ELFN1: variants seen among roughly 807,000 people sequenced by gnomAD.
The protein encoded by ELFN1 is extracellular leucine rich repeat and fibronectin type III domain containing 1.
A neutral mutation model predicts 7.6 loss-of-function variants in ELFN1; 6 were observed. The observed-to-expected ratio is 0.79, with a 90% CI of 0.43 to 1.56. The LOEUF (loss-of-function observed/expected upper bound fraction) is 1.56, where lower values mean the gene tolerates loss of function less well. Among genes scored for constraint, ELFN1 ranks in the 40% most tolerant of loss-of-function variants. ELFN1 has a pLI of 0.01. For missense variants in ELFN1, 1,169 were observed against 1,232.2 expected, an observed-to-expected ratio of 0.95 and a Z score of 0.77; for synonymous variants, 657 against 588.1, an observed-to-expected ratio of 1.12 and a Z score of -1.70.
intron 1 of ELFN1, among the ~76,000 whole-genome samples, chr7:1,675,334 G>A (rs1324980800): frequency 2.6e-5 from 4 of 152,210 alleles, no homozygotes; most frequent in Non-Finnish European, 4.4e-5. Context: ...GCTCGGGGGC[G>A]GGGGTCTGTC....
chr7:1,681,387 G>A (rs936193255), intron 1 of ELFN1, among the ~76,000 whole-genome samples: 2 of 152,056 alleles, frequency 1.3e-5, no homozygotes, highest in Non-Finnish European at 2.9e-5. Context: ...TCTTGAGATG[G>A]AGTCTCACTC....
intron 1 of ELFN1, among the ~76,000 whole-genome samples, chr7:1,675,735 C>T (rs575582922): frequency 2.0e-4 from 30 of 152,332 alleles, no homozygotes; most frequent in African/African-American, 5.8e-4. Context: ...AGTGAGGCGT[C>T]GCTGGCCCGG....
Position 1,695,752 on chromosome 7 carries a change from A to AC in ELFN1, c.-456+7602_-456+7603insC, listed in dbSNP as rs1779289970. 6.6e-6 allele frequency among the ~76,000 whole-genome samples: 1 copy of AC among 150,702 alleles called. No homozygotes were observed. The highest frequency in any genetic ancestry group is 1.5e-5 in the Non-Finnish European group (1 of 67,606). ...GACAGAGCGAGACTCCGTGTCAAAA[A>AC]AAAAAAAAAAAAAAAAAAAACCGTG... On this transcript the variant is annotated intron_variant, in intron 2 of 3. Coordinates refer to ENST00000424383, the MANE Select transcript of ELFN1 (RefSeq NM_001128636.4). The surrounding 1 kb of genome is among the most constrained non-coding windows in gnomAD (Gnocchi z 5.1).
intron 3 of ELFN1, among the ~76,000 whole-genome samples, chr7:1,719,356 C>A (rs1046367113): frequency 6.8e-6 from 1 of 146,018 alleles, no homozygotes; most frequent in African/African-American, 2.7e-5. Flanking sequence ...AACAGGGCCC[C>A]GCCCACCAAC....
In ELFN1 at chr7:1,746,829, C is replaced by T. The variant is rs1166468521; in HGVS notation, c.2233C>T (p.Pro745Ser). ...SILEPLTRPR[P>S]RDLAYSQLSP... ...CCTGGAGCCACTCACCCGGCCGCGG[C>T]CCCGCGACCTCGCCTACTCGCAGCT... The change falls in exon 4 of 4, where the codon CCC becomes TCC. Residue 745 changes from proline (P) to serine (S), a missense_variant. Coordinates refer to ENST00000424383, the MANE Select transcript of ELFN1 (RefSeq NM_001128636.4). 7 of 1,535,482 alleles carry T rather than the reference C, an allele frequency of 4.6e-6. No individual in the cohort carries two copies. The South Asian group carries it at 7.3e-5, about 16-fold the overall frequency.
chr7:1,718,101 C>T (rs541962121), intron 3 of ELFN1, among the ~76,000 whole-genome samples: 15 of 152,336 alleles, frequency 9.8e-5, no homozygotes, highest in African/African-American at 2.6e-4. Flanking sequence ...AGTGGCTGCT[C>T]CCGCTCCCAC....
chr7:1,726,547 TG>T (rs973183049), intron 3 of ELFN1, among the ~76,000 whole-genome samples: 17 of 152,144 alleles, frequency 1.1e-4, no homozygotes, highest in Non-Finnish European at 4.4e-5. Flanking sequence ...CTGGATCCCC[TG>T]GGGTGTGGCA....
upstream of ELFN1, among the ~76,000 whole-genome samples, chr7:1,669,107 C>A (rs945187617): frequency 6.6e-6 from 1 of 152,260 alleles, no homozygotes; most frequent in Non-Finnish European, 1.5e-5. Context: ...AGGACCCGGG[C>A]GTGTCAGGCC....
At chr7:1,671,630 C>A (rs1778769093) in intron 1 of ELFN1, among the ~76,000 whole-genome samples, 1 of 151,936 alleles carries the variant, frequency 6.6e-6, no homozygotes. Context: ...TGCACCCAGC[C>A]TTGGGGGAAA....
chr7:1,675,584 C>T (rs1332356942), intron 1 of ELFN1, among the ~76,000 whole-genome samples: 1 of 152,238 alleles, frequency 6.6e-6, no homozygotes, highest in African/African-American at 2.4e-5. Flanking sequence ...GCCATGTGCC[C>T]GCCCCACATG....
chr7:1,691,636 C>G (rs1462540625), intron 2 of ELFN1, among the ~76,000 whole-genome samples: 1 of 152,236 alleles, frequency 6.6e-6, no homozygotes, highest in Non-Finnish European at 1.5e-5. Context: ...GCCTGACCCA[C>G]TGCCAGCTCT....
chr7:1,704,118 C>T (rs1040675460), intron 2 of ELFN1, among the ~76,000 whole-genome samples: 3 of 152,210 alleles, frequency 2.0e-5, no homozygotes, highest in African/African-American at 7.2e-5. Flanking sequence ...GAGGGCCTGG[C>T]ATTTGCCACA....
At chr7:1,725,378 C>T (rs765922133) in intron 3 of ELFN1, among the ~76,000 whole-genome samples, 1 of 151,638 alleles carries the variant, frequency 6.6e-6, no homozygotes, top group African/African-American at 2.4e-5. Flanking sequence ...GGACAGGGCG[C>T]AGGCGAGGCC....
intron 2 of ELFN1, among the ~76,000 whole-genome samples, chr7:1,688,494 T>A (rs1251883140): frequency 6.6e-6 from 1 of 152,250 alleles, no homozygotes; most frequent in African/African-American, 2.4e-5. Context: ...CCACCTGTAA[T>A]TTTTTATCTA....
At chr7:1,684,159 AT>A (rs1002045551) in intron 1 of ELFN1, among the ~76,000 whole-genome samples, 6 of 151,544 alleles carry the variant, frequency 4.0e-5, no homozygotes, top group Non-Finnish European at 8.8e-5. Context: ...CCCCAAAAAA[AT>A]TTTTTACCTA....
upstream of ELFN1, among the ~76,000 whole-genome samples, chr7:1,666,861 C>A (rs1379846758): frequency 6.6e-6 from 1 of 151,844 alleles, no homozygotes; most frequent in Non-Finnish European, 1.5e-5. The surrounding 1 kb of genome is among the most constrained non-coding windows in gnomAD (Gnocchi z 7.9). Context: ...GACCCCCGCC[C>A]CCACCCCAGC....
intron 3 of ELFN1, chr7:1,742,315 T>A (rs1213125348): frequency 6.6e-6 from 1 of 152,398 alleles, no homozygotes; most frequent in Middle Eastern, 3.4e-3. Context: ...AGACCCGCCC[T>A]TCCGGAGGCC....
At chr7:1,690,281 G>T (rs1225724611) in intron 2 of ELFN1, among the ~76,000 whole-genome samples, 1 of 151,794 alleles carries the variant, frequency 6.6e-6, no homozygotes, top group Non-Finnish European at 1.5e-5. Context: ...GTGGGTAGGT[G>T]GATAGGTGGA....
chr7:1,673,103 CT>C lies in ELFN1; in HGVS notation c.-549+2754del, dbSNP rs1427464131. On this transcript the variant is annotated intron_variant, in intron 1 of 3. Coordinates refer to ENST00000424383, the MANE Select transcript of ELFN1 (RefSeq NM_001128636.4). The surrounding 1 kb of genome is among the most constrained non-coding windows in gnomAD (Gnocchi z 4.7). ...CTCCAGCGCCCCCCCCCGCTCTTTC[CT>C]TTTTGTTTTTGTTGTGGATTTGGTT... 3.3e-4 allele frequency among the ~76,000 whole-genome samples: 50 copies of C among 150,504 alleles called. No individual in the cohort carries two copies. Among genetic ancestry groups the C allele is most frequent in the African/African-American group, 9.0e-4 (37 of 41,044 alleles).
Sources: gnomAD v4.1 joint callset for allele counts (sites outside exome capture counted in the v4.1 genomes callset) on GRCh38, gnomAD v4.1.1 for gene constraint, Gnocchi (gnomAD v3.1) non-coding constraint, MANE v1.5 for transcripts, NCBI Gene and HGNC (gene_info 2026-07-23, HGNC 2026-07-21) for gene names.